Variants in SLC12A8 observed in about 807,000 individuals in gnomAD.
SLC12A8 encodes the protein solute carrier family 12 member 8, also known as cation-chloride cotransporter 9.
Under a neutral mutation model 75.6 loss-of-function variants are expected in SLC12A8, and 69 were observed. The ratio of observed to expected loss-of-function variants is 0.91; its 90% confidence interval spans 0.75 to 1.11. SLC12A8 has a LOEUF of 1.11. Ranked by LOEUF, SLC12A8 falls within the 50% of genes most tolerant of loss-of-function variation. The probability of loss-of-function intolerance (pLI) is 0.00; values close to 1 mark genes in which losing one functional copy is unlikely to be tolerated. For synonymous variants in SLC12A8, 365 were observed against 372.8 expected (o/e 0.98, Z 0.24); for missense variants, 877 against 896.7 (o/e 0.98, Z 0.28).
At chr3:125,137,875 A>T (rs1209662110) in intron 5 of SLC12A8, among the ~76,000 whole-genome samples, 1 of 152,136 alleles carries the variant, frequency 6.6e-6, no homozygotes, top group East Asian at 1.9e-4. Flanking sequence ...TGAGAAATGC[A>T]GCCCTGCCAC....
chr3:125,151,822 G>GGACTT (rs1181445676), intron 5 of SLC12A8, among the ~76,000 whole-genome samples: 1 of 152,178 alleles, frequency 6.6e-6, no homozygotes, highest in African/African-American at 2.4e-5. Context: ...AGCAACATGA[G>GGACTT]GACTTAATGT....
intron 13 of SLC12A8, among the ~76,000 whole-genome samples, chr3:125,087,344 T>C (rs2688991): frequency 0.6 from 90,484 of 151,958 alleles, 27,697 homozygotes; most frequent in African/African-American, 0.73. Flanking sequence ...CTGCCCACCT[T>C]GGCCTCCCAA....
intron 8 of SLC12A8, among the ~76,000 whole-genome samples, chr3:125,112,747 T>C (rs1316210856): frequency 6.6e-6 from 1 of 152,252 alleles, no homozygotes; most frequent in African/African-American, 2.4e-5. Context: ...TATGATGAAA[T>C]TTTATCAAGA....
Position 125,107,512 on chromosome 3 carries a change from C to T in SLC12A8, c.1674G>A (p.Glu558=), listed in dbSNP as rs764724613. ...CACTGGACTCTGATTGGTTGCACAG[C>T]TCAGGAACAAGTTGCTCTCCATATG... ...EGTYGEQLVP[E]LCNQSESSGE... Residue 558 remains glutamate (E), a synonymous_variant, in exon 10 of 14, where the codon GAG becomes GAA. Coordinates refer to ENST00000469902, the MANE Select transcript of SLC12A8 (RefSeq NM_024628.6). 5 of 1,613,364 alleles carry T rather than the reference C, an allele frequency of 3.1e-6. No homozygotes were observed. In the East Asian group the frequency reaches 1.1e-4, roughly 36 times the overall value.
chr3:125,133,788 G>T (rs1444622021), intron 6 of SLC12A8, among the ~76,000 whole-genome samples: 1 of 152,118 alleles, frequency 6.6e-6, no homozygotes, highest in East Asian at 1.9e-4. Flanking sequence ...GCCCAGGCTG[G>T]TCTCAAACTC....
intron 5 of SLC12A8, among the ~76,000 whole-genome samples, chr3:125,157,577 A>G (rs915035917): frequency 6.6e-5 from 10 of 152,122 alleles, no homozygotes; most frequent in Non-Finnish European, 1.5e-4. Flanking sequence ...TCTGTCCCCA[A>G]ACCCTGTCCC....
chr3:125,124,274 G>A lies in SLC12A8; in HGVS notation c.737-3588C>T, dbSNP rs576416722. 2.0e-5 allele frequency among the ~76,000 whole-genome samples: 3 copies of A among 152,300 alleles called. 1 individual carries two copies. The highest frequency in any genetic ancestry group is 2.0e-4 in the Admixed American group (3 of 15,304). ...AGTCTCACGGGTGATTCCTGCTGGG[G>A]CAATGTGGGTGGTTCCCACAGCAAA... On this transcript the variant is annotated intron_variant, in intron 6 of 13. Transcript: ENST00000469902.
At chr3:125,084,414 G>A (rs1239468706) in intron 13 of SLC12A8, among the ~76,000 whole-genome samples, 1 of 151,940 alleles carries the variant, frequency 6.6e-6, no homozygotes, top group Non-Finnish European at 1.5e-5. Flanking sequence ...ATAATGGAAT[G>A]GAGAGGCTGG....
chr3:125,143,549 G>A (rs1404420149), intron 5 of SLC12A8, among the ~76,000 whole-genome samples: 2 of 152,254 alleles, frequency 1.3e-5, no homozygotes, highest in South Asian at 2.1e-4. Flanking sequence ...ACCCCACCCA[G>A]AGAGAAAATA....
chr3:125,156,018 T>G (rs1188532865), intron 5 of SLC12A8, among the ~76,000 whole-genome samples: 3 of 152,116 alleles, frequency 2.0e-5, no homozygotes. Context: ...AGACGTGATT[T>G]TCACATGCAA....
intron 2 of SLC12A8, among the ~76,000 whole-genome samples, chr3:125,206,038 T>C (rs542506435): frequency 5.3e-5 from 8 of 152,316 alleles, no homozygotes; most frequent in African/African-American, 1.9e-4. Context: ...TTTTCCTTCC[T>C]CCTCAGCTGC....
intron 8 of SLC12A8, among the ~76,000 whole-genome samples, chr3:125,116,892 T>C (rs1939323992): frequency 6.6e-6 from 1 of 152,218 alleles, no homozygotes; most frequent in South Asian, 2.1e-4. Flanking sequence ...AAGCTTTTCA[T>C]TCCACAACTA....
chr3:125,109,586 G>A (rs913993757), intron 9 of SLC12A8, among the ~76,000 whole-genome samples: 2 of 152,178 alleles, frequency 1.3e-5, no homozygotes, highest in African/African-American at 2.4e-5. Context: ...AGTGGGAAAT[G>A]GGATTCTCTG....
chr3:125,120,963 G>C, intron 6 of SLC12A8: 2 of 669,302 alleles, frequency 3.0e-6, no homozygotes, highest in Non-Finnish European at 2.7e-6. Flanking sequence ...AAAGCAACCA[G>C]GGGGGAGGAA....
chr3:125,135,146 C>T (rs571653682), intron 6 of SLC12A8, among the ~76,000 whole-genome samples: 16 of 152,064 alleles, frequency 1.1e-4, no homozygotes, highest in Non-Finnish European at 1.9e-4. Context: ...CTCACCCCCG[C>T]GATACTGGTT....
chr3:125,131,458 C>T (rs1438999709), intron 6 of SLC12A8, among the ~76,000 whole-genome samples: 3 of 152,146 alleles, frequency 2.0e-5, no homozygotes, highest in Non-Finnish European at 2.9e-5. Flanking sequence ...ACGATTTCAG[C>T]GCACTGCAAT....
At position 125,205,082 on chromosome 3, in the gene SLC12A8, C is replaced by T. The variant is rs143568682; in HGVS notation, c.51+6217G>A. Reference sequence around the variant, plus strand: ...ACCCCAATCATCCCAGAGCCAGACACCCGGCAACCAGAGGCCACCCCTATA... The same window carrying T: ...ACCCCAATCATCCCAGAGCCAGACATCCGGCAACCAGAGGCCACCCCTATA... On this transcript the variant is annotated intron_variant, in intron 2 of 13. Coordinates refer to ENST00000469902, the MANE Select transcript of SLC12A8 (RefSeq NM_024628.6). Among the ~76,000 whole-genome samples the T allele has an allele frequency of 8.4e-3, 1,274 of 152,218 alleles. 10 individuals are homozygous for T. Among genetic ancestry groups the T allele is most frequent in the Non-Finnish European group, 0.011 (739 of 68,002 alleles).
Position 125,198,270 on chromosome 3 carries a change from C to CAA in SLC12A8, c.52-7751_52-7750dup, listed in dbSNP as rs56825548. ...CATGTGTTCTTTAAAAAAAAAAAAA[C>CAA]AAAACAGTCAAGGTCATAAAAGACA... On this transcript the variant is annotated intron_variant, in intron 2 of 13. Transcript: ENST00000469902. Among the ~76,000 whole-genome samples, 34 of 137,844 alleles carry CAA rather than the reference C, an allele frequency of 2.5e-4. 2 individuals carry two copies. The East Asian group carries it at 6.5e-3, about 26-fold the overall frequency. 90.4% of individuals were successfully genotyped at this position (137,844 alleles called of 152,430 possible).
At chr3:125,186,985 GC>G (rs1934799026) in intron 4 of SLC12A8, among the ~76,000 whole-genome samples, 1 of 152,252 alleles carries the variant, frequency 6.6e-6, no homozygotes, top group Non-Finnish European at 1.5e-5. Context: ...TGCTGGCCAG[GC>G]CCTGCCCTGC....
Sources: allele counts gnomAD v4.1 joint callset (sites outside exome capture counted in the v4.1 genomes callset), GRCh38; gene constraint gnomAD v4.1.1; transcripts MANE v1.5; gene names NCBI Gene and HGNC (gene_info 2026-07-23, HGNC 2026-07-21).